Variants in ABI3BP observed in about 807,000 individuals in gnomAD.
The protein encoded by ABI3BP is ABI family member 3 binding protein, also known as target of Nesh-SH3.
In ABI3BP, 216 loss-of-function variants were observed where a neutral mutation model predicts 268.6. That is an observed-to-expected ratio of 0.80 (90% CI 0.72 to 0.90). ABI3BP has a LOEUF of 0.90. Ranked by LOEUF, ABI3BP falls within the 40% of genes least tolerant of loss-of-function variation. ABI3BP has a pLI of 0.00. For synonymous variants in ABI3BP, 730 were observed against 730.0 expected (o/e 1.00, Z 0.00); for missense variants, 2,090 against 2,182.4 (o/e 0.96, Z 0.84).
At chr3:100,777,693 G>A (rs2096746594) in intron 59 of ABI3BP, among the ~76,000 whole-genome samples, 1 of 152,182 alleles carries the variant, frequency 6.6e-6, no homozygotes, top group African/African-American at 2.4e-5. Flanking sequence ...AGCCAAGCCT[G>A]GAAAGGGTCA....
intron 36 of ABI3BP, 105 bp from the exon 37 acceptor site, chr3:100,823,619 CA>C (rs72135669): frequency 2.2e-3 from 1,636 of 727,338 alleles, no homozygotes; most frequent in Non-Finnish European, 2.5e-3. Flanking sequence ...TCCAGAGAAA[CA>C]AAAAAAAAAT....
intron 16 of ABI3BP, 40 bp downstream of exon 16, chr3:100,850,620 G>C: frequency 7.0e-7 from 1 of 1,430,674 alleles, no homozygotes; most frequent in Non-Finnish European, 9.7e-7. Context: ...TTTTTTTTTT[G>C]ATGGAAAATA....
At chr3:100,893,638 A>G (rs7637529) in intron 4 of ABI3BP, among the ~76,000 whole-genome samples, 149,086 of 152,210 alleles carry the variant, frequency 0.98, 73,022 homozygotes, top group East Asian at 1. Flanking sequence ...AGGACTGTGC[A>G]GATGGTGCAG....
intron 31 of ABI3BP, 143 bp downstream of exon 31, chr3:100,832,121 A>C: frequency 6.2e-6 from 4 of 645,840 alleles, no homozygotes; most frequent in Non-Finnish European, 1.0e-5. Context: ...ATGCTAAGCT[A>C]TTCATGTTCT....
intron 62 of ABI3BP, 99 bp from the exon 63 acceptor site, chr3:100,766,048 A>G: frequency 1.2e-6 from 1 of 822,874 alleles, no homozygotes; most frequent in Non-Finnish European, 2.0e-6. Context: ...TACATAAAGT[A>G]AGCAATTGAG....
intron 51 of ABI3BP, among the ~76,000 whole-genome samples, chr3:100,797,215 A>AT (rs1454051506): frequency 1.3e-5 from 2 of 152,142 alleles, no homozygotes; most frequent in East Asian, 1.9e-4. Context: ...AATCCAGTAT[A>AT]TTTTTTAATG....
chr3:100,948,123 C>T (rs2073358429), intron 1 of ABI3BP, among the ~76,000 whole-genome samples: 1 of 152,042 alleles, frequency 6.6e-6, no homozygotes, highest in Non-Finnish European at 1.5e-5. Context: ...AAGGAGTATG[C>T]AGGGAAGCTA....
intron 51 of ABI3BP, among the ~76,000 whole-genome samples, chr3:100,801,425 C>CAAAAAAAAA (rs68171311): frequency 3.4e-5 from 3 of 87,466 alleles, no homozygotes; most frequent in African/African-American, 7.9e-5. Context: ...GATATCCTGT[C>CAAAAAAAAA]AAAAAAAAAA....
intron 1 of ABI3BP, among the ~76,000 whole-genome samples, chr3:100,931,707 T>C (rs1056578403): frequency 4.0e-5 from 6 of 151,838 alleles, no homozygotes; most frequent in Admixed American, 2.0e-4. Flanking sequence ...AAATCAAAGA[T>C]GATACAAAAA....
intron 6 of ABI3BP, among the ~76,000 whole-genome samples, chr3:100,879,064 C>T (rs773424433): frequency 1.5e-4 from 23 of 152,154 alleles, no homozygotes; most frequent in Non-Finnish European, 2.6e-4. Flanking sequence ...TTGAACTATA[C>T]ATTAATAGTA....
rs202105356 is a variant in ABI3BP at position 100,848,827 on chromosome 3, C to T, written c.1550G>A (p.Arg517Gln). Reference sequence around the variant, plus strand: ...AGGTTTGGTTCTTGGCGGTTTGGGCCGGGGGCGTCGTTTAGGTGTAGAAGG... The same window carrying T: ...AGGTTTGGTTCTTGGCGGTTTGGGCTGGGGGCGTCGTTTAGGTGTAGAAGG... Reference protein sequence around the residue: ...SIPSTPKRRPRPKPPRTKPER... With the variant: ...SIPSTPKRRPQPKPPRTKPER... Residue 517 changes from arginine (R) to glutamine (Q), a missense_variant, in exon 18 of 68, where the codon CGG becomes CAG. Arg to Gln is a conservative substitution (Grantham distance 43). Coordinates refer to ENST00000471714, the MANE Select transcript of ABI3BP (RefSeq NM_001375547.2). 2.3e-4 allele frequency: 363 copies of T among 1,613,096 alleles called. 1 individual carries two copies. The African/African-American group carries it at 4.1e-3, about 18-fold the overall frequency.
intron 51 of ABI3BP, among the ~76,000 whole-genome samples, chr3:100,797,506 GA>G (rs139049404): frequency 0.14 from 20,947 of 149,252 alleles, 1,891 homozygotes; most frequent in South Asian, 0.27. Context: ...TATAATGCTG[GA>G]AAAAAAATTA....
Position 100,820,276 on chromosome 3 carries a change from C to T in ABI3BP, c.2975G>A (p.Arg992His), listed in dbSNP as rs778846311. Reference protein sequence around the residue: ...QAPKTSQRTRRPRPKTKTTPS... With the variant: ...QAPKTSQRTRHPRPKTKTTPS... ...TGTGGTTTTAGTTTTGGGACGTGGA[C>T]GACGAGTTCGTTGTGATGTTTTAGG... Residue 992 changes from arginine to histidine, a missense_variant, in exon 40 of 68, where the codon CGT becomes CAT. By Grantham distance (29) the Arg-to-His change is conservative. Coordinates refer to ENST00000471714, the MANE Select transcript of ABI3BP (RefSeq NM_001375547.2). The T allele has an allele frequency of 2.0e-5, 30 of 1,535,872 alleles. No individual in the cohort carries two copies. Among genetic ancestry groups the T allele is most frequent in the South Asian group, 1.9e-4 (16 of 83,992 alleles).
chr3:100,958,651 G>A (rs1456761610), intron 1 of ABI3BP, among the ~76,000 whole-genome samples: 1 of 152,178 alleles, frequency 6.6e-6, no homozygotes, highest in African/African-American at 2.4e-5. Context: ...CTTCAAATTT[G>A]TAATGTTTCT....
chr3:100,932,107 A>G (rs2063827624), intron 1 of ABI3BP, among the ~76,000 whole-genome samples: 1 of 152,084 alleles, frequency 6.6e-6, no homozygotes, highest in Admixed American at 6.6e-5. Flanking sequence ...GCAATAGGGA[A>G]AGGACTCCCT....
intron 1 of ABI3BP, among the ~76,000 whole-genome samples, chr3:100,950,191 T>C (rs947321156): frequency 6.6e-6 from 1 of 152,200 alleles, no homozygotes; most frequent in Admixed American, 6.5e-5. Context: ...CTATAAGCTA[T>C]ATAAGGATAC....
intron 39 of ABI3BP, among the ~76,000 whole-genome samples, chr3:100,820,627 A>T (rs1230448098): frequency 6.6e-6 from 1 of 152,312 alleles, no homozygotes; most frequent in Admixed American, 6.5e-5. Flanking sequence ...GTAAAATAAG[A>T]CCACATAATT....
chr3:100,825,034 T>G, intron 35 of ABI3BP, 93 bp from the exon 36 acceptor site: 1 of 1,019,892 alleles, frequency 9.8e-7, no homozygotes, highest in South Asian at 1.7e-5. Flanking sequence ...CTCCTATAGT[T>G]CCAGAAACTT....
intron 1 of ABI3BP, among the ~76,000 whole-genome samples, chr3:100,950,347 A>G (rs1274150273): frequency 1.3e-5 from 2 of 152,216 alleles, no homozygotes; most frequent in Non-Finnish European, 2.9e-5. Flanking sequence ...AGTCTCTTCA[A>G]AAAAACTGTA....
Sources: allele counts gnomAD v4.1 joint callset (sites outside exome capture counted in the v4.1 genomes callset), GRCh38; gene constraint gnomAD v4.1.1; transcripts MANE v1.5; gene names NCBI Gene and HGNC (gene_info 2026-07-23, HGNC 2026-07-21).